Variants in PRKN observed in about 807,000 individuals in gnomAD.
The protein encoded by PRKN is parkin RBR E3 ubiquitin protein ligase.
PRKN carries 56 observed loss-of-function variants against 59.5 expected under a neutral mutation model. That is an observed-to-expected ratio of 0.94 (90% CI 0.76 to 1.18). The LOEUF is 1.18. PRKN is among the 50% of genes most tolerant of loss of function. The probability of loss-of-function intolerance (pLI) is 0.00; values close to 1 mark genes in which losing one functional copy is unlikely to be tolerated. For missense variants in PRKN, 657 were observed against 596.4 expected (o/e 1.10, Z -1.06); for synonymous variants, 250 against 222.1 (o/e 1.13, Z -1.12).
chr6:162,672,202 T>C (rs1779350645), intron 1 of PRKN, among the ~76,000 whole-genome samples: 1 of 152,216 alleles, frequency 6.6e-6, no homozygotes, highest in East Asian at 1.9e-4. Flanking sequence ...TGTTGTCTTA[T>C]TGGTCAGAAA....
rs1790465528 is a variant in PRKN, at chr6:161,466,240, C to A, written c.1084-79363G>T. ...TCTTCAAGATCATTGATACTTACCT[C>A]TTCTGCTCAGTCTTCTGTTAACCTG... On this transcript the variant is annotated intron_variant, in intron 9 of 11. Transcript: ENST00000366898. This position sits in a 1 kb window ranked among gnomAD's most constrained non-coding sequence, Gnocchi z 5.0. 6.6e-6 allele frequency among the ~76,000 whole-genome samples: 1 copy of A among 152,198 alleles called. No homozygotes were observed. Among genetic ancestry groups the A allele is most frequent in the African/African-American group, 2.4e-5 (1 of 41,456 alleles).
intron 6 of PRKN, among the ~76,000 whole-genome samples, chr6:161,873,306 G>A (rs1794420770): frequency 6.6e-6 from 1 of 151,860 alleles, no homozygotes; most frequent in African/African-American, 2.4e-5. Flanking sequence ...CTCGCTCCAT[G>A]TTTGGAACAT....
chr6:161,552,948 A>T lies in PRKN; in HGVS notation c.934-3945T>A, dbSNP rs538343837. Among the ~76,000 whole-genome samples the T allele has an allele frequency of 6.6e-6, 1 of 151,794 alleles. No individual in the cohort carries two copies. Among genetic ancestry groups the T allele is most frequent in the South Asian group, 2.1e-4 (1 of 4,796 alleles). ...TGGGACTACAGGTGTGTACCACCAC[A>T]CCCAGCTAGCTTTTGTATTTTTAGT... On this transcript the variant is annotated intron_variant, in intron 8 of 11. Transcript: ENST00000366898. The surrounding 1 kb of genome is among the most constrained non-coding windows in gnomAD (Gnocchi z 4.9).
At chr6:162,643,288 T>C (rs1049499889) in intron 1 of PRKN, among the ~76,000 whole-genome samples, 1 of 148,132 alleles carries the variant, frequency 6.8e-6, no homozygotes, top group Admixed American at 6.9e-5. Flanking sequence ...ATCCCAGCTA[T>C]TCAGGAGGCT....
Position 162,112,498 on chromosome 6 carries a change from C to T in PRKN, c.535-58324G>A, listed in dbSNP as rs144178357. On this transcript the variant is annotated intron_variant, in intron 4 of 11. Coordinates refer to ENST00000366898, the MANE Select transcript of PRKN (RefSeq NM_004562.3). Reference sequence around the variant, plus strand: ...AGTTTACTTTTTTGCTTTATTTGGCCCAACACAGTGTCTTCTAGAAGTCCT... The same window carrying T: ...AGTTTACTTTTTTGCTTTATTTGGCTCAACACAGTGTCTTCTAGAAGTCCT... Among the ~76,000 whole-genome samples, 1,077 of 152,122 alleles carry T rather than the reference C, an allele frequency of 7.1e-3. 11 individuals carry two copies. The highest frequency in any genetic ancestry group is 0.034 in the Middle Eastern group (10 of 294).
chr6:161,986,503 T>C (rs1369241481), intron 5 of PRKN, among the ~76,000 whole-genome samples: 1 of 152,076 alleles, frequency 6.6e-6, no homozygotes. Flanking sequence ...TTTTTTTTTT[T>C]TTTTTAAGAC....
Position 161,473,425 on chromosome 6 carries a change from G to A in PRKN, c.1083+75429C>T, listed in dbSNP as rs1790891738. ...TAAAAAGGAGATTCTACTATTTTTG[G>A]CAACATGTATTAACCTGGAGGACAT... On this transcript the variant is annotated intron_variant, in intron 9 of 11. Transcript: ENST00000366898. This position sits in a 1 kb window ranked among gnomAD's most constrained non-coding sequence, Gnocchi z 4.1. Among the ~76,000 whole-genome samples the A allele has an allele frequency of 6.6e-6, 1 of 151,274 alleles. No homozygotes were observed. The highest frequency in any genetic ancestry group is 1.5e-5 in the Non-Finnish European group (1 of 67,876).
chr6:162,349,912 A>C (rs1784556043), intron 2 of PRKN, among the ~76,000 whole-genome samples: 3 of 152,232 alleles, frequency 2.0e-5, no homozygotes, highest in African/African-American at 7.2e-5. Context: ...AAAGAAGAAG[A>C]AAAACTGTAT....
intron 10 of PRKN, among the ~76,000 whole-genome samples, chr6:161,370,406 C>T (rs914820686): frequency 6.8e-6 from 1 of 146,042 alleles, no homozygotes; most frequent in African/African-American, 2.6e-5. Context: ...CGATGAAACC[C>T]CATCTCTACT....
chr6:162,196,629 T>C (rs952947846), intron 4 of PRKN, among the ~76,000 whole-genome samples: 3 of 152,162 alleles, frequency 2.0e-5, no homozygotes, highest in East Asian at 1.9e-4. Flanking sequence ...TATTCTGATA[T>C]GGAGATGAAG....
In PRKN at chr6:162,137,326, T is replaced by C. The variant is rs1453567087; in HGVS notation, c.534+63805A>G. ...AACTTTCTTGGGGTCAGTGTCCTTATTTATAAAATGGAGGCAATATTAGTA... is the reference window on the plus strand; with the variant it reads ...AACTTTCTTGGGGTCAGTGTCCTTACTTATAAAATGGAGGCAATATTAGTA... On this transcript the variant is annotated intron_variant, in intron 4 of 11. Transcript: ENST00000366898. Among the ~76,000 whole-genome samples, 8 of 152,312 alleles carry C rather than the reference T, an allele frequency of 5.3e-5. No homozygotes were observed. In the East Asian group the frequency reaches 1.2e-3, roughly 22 times the overall value.
intron 1 of PRKN, among the ~76,000 whole-genome samples, chr6:162,575,314 G>T (rs1012912454): frequency 6.6e-6 from 1 of 152,046 alleles, no homozygotes; most frequent in African/African-American, 2.4e-5. Flanking sequence ...CCTCTGCATG[G>T]TCACACCCAG....
intron 4 of PRKN, among the ~76,000 whole-genome samples, chr6:162,188,906 A>G (rs1263372069): frequency 3.9e-5 from 6 of 152,132 alleles, no homozygotes; most frequent in Non-Finnish European, 5.9e-5. Context: ...TCCTTTACTC[A>G]AAGTGCTCTA....
At chr6:162,162,341 G>A (rs1782795150) in intron 4 of PRKN, among the ~76,000 whole-genome samples, 1 of 152,170 alleles carries the variant, frequency 6.6e-6, no homozygotes, top group South Asian at 2.1e-4. Flanking sequence ...CGTAGGTTAT[G>A]TAAAAATACT....
intron 6 of PRKN, among the ~76,000 whole-genome samples, chr6:161,855,225 G>C (rs571228241): frequency 7.9e-5 from 12 of 152,240 alleles, no homozygotes; most frequent in Admixed American, 5.9e-4. Context: ...CGATGATCAG[G>C]GTGGGGTTTT....
At chr6:161,756,953 T>A (rs969865407) in intron 7 of PRKN, among the ~76,000 whole-genome samples, 3 of 152,142 alleles carry the variant, frequency 2.0e-5, no homozygotes, top group African/African-American at 7.2e-5. Context: ...CATGGCCAAC[T>A]GACTTTCAAC....
intron 9 of PRKN, among the ~76,000 whole-genome samples, chr6:161,490,381 C>CCTT (rs1474701514): frequency 2.9e-5 from 3 of 102,158 alleles, no homozygotes; most frequent in Non-Finnish European, 4.0e-5. Context: ...CTCTTTCTTT[C>CCTT]TTTCCTTTTT....
At chr6:161,972,964 T>G (rs1351828498) in intron 6 of PRKN, among the ~76,000 whole-genome samples, 2 of 152,226 alleles carry the variant, frequency 1.3e-5, no homozygotes, top group Non-Finnish European at 2.9e-5. Context: ...TGGAACTTAA[T>G]GGATGAGTTT....
At chr6:162,560,277 T>C (rs1779781246) in intron 1 of PRKN, among the ~76,000 whole-genome samples, 1 of 152,220 alleles carries the variant, frequency 6.6e-6, no homozygotes, top group African/African-American at 2.4e-5. Flanking sequence ...TAAGTAGAAA[T>C]AATACACATG....
Sources: gnomAD v4.1 joint callset for allele counts (sites outside exome capture counted in the v4.1 genomes callset) on GRCh38, gnomAD v4.1.1 for gene constraint, Gnocchi (gnomAD v3.1) non-coding constraint, MANE v1.5 for transcripts, NCBI Gene and HGNC (gene_info 2026-07-23, HGNC 2026-07-21) for gene names.